The following SYTL2 variants were observed in gnomAD, a reference collection of about 807,000 sequenced individuals.
The protein encoded by SYTL2 is synaptotagmin-like protein 2.
Under a neutral mutation model 198.7 loss-of-function variants are expected in SYTL2, and 165 were observed. That is an observed-to-expected ratio of 0.83 (90% confidence interval 0.73 to 0.94). The LOEUF (loss-of-function observed/expected upper bound fraction) is 0.94. SYTL2 is among the 40% of genes least tolerant of loss of function. The pLI is 0.00. For synonymous variants in SYTL2, 966 were observed against 917.7 expected, an observed-to-expected ratio of 1.05 and a Z score of -0.95; for missense variants, 2,835 against 2,582.8, an observed-to-expected ratio of 1.10 and a Z score of -2.12.
intron 1 of SYTL2, among the ~76,000 whole-genome samples, chr11:85,784,385 T>C (rs1344879379): frequency 6.6e-6 from 1 of 151,950 alleles, no homozygotes; most frequent in East Asian, 1.9e-4. Context: ...AAAAAAATTA[T>C]GGTAAACCTC....
At chr11:85,760,846 T>G (rs904500945) in intron 1 of SYTL2, among the ~76,000 whole-genome samples, 1 of 152,196 alleles carries the variant, frequency 6.6e-6, no homozygotes, top group Admixed American at 6.5e-5. Flanking sequence ...GGGCAATGTT[T>G]CCACTTTACA....
rs539271498 is a variant in SYTL2 at position 85,721,137 on chromosome 11, C to T, written c.5327-178G>A. On this transcript the variant is annotated intron_variant, in intron 8 of 19. Transcript: ENST00000359152. ...TCTCCACTATTAATATGCTCTTAAA[C>T]ATAATTTTCCTGGTCAAGAAATATT... 2.0e-5 allele frequency among the ~76,000 whole-genome samples: 3 copies of T among 152,212 alleles called. No individual in the cohort carries two copies. In the East Asian group the frequency reaches 5.8e-4, roughly 29 times the overall value.
chr11:85,753,989 C>G (rs1159953778), intron 2 of SYTL2, among the ~76,000 whole-genome samples: 1 of 151,990 alleles, frequency 6.6e-6, no homozygotes, highest in Non-Finnish European at 1.5e-5. Context: ...TAGTGATGTC[C>G]TCTTGGCTAC....
intron 1 of SYTL2, among the ~76,000 whole-genome samples, chr11:85,798,019 T>C (rs79789408): frequency 3.0e-5 from 1 of 33,316 alleles, no homozygotes; most frequent in African/African-American, 1.3e-4. Context: ...ATGCCAGCTA[T>C]TTTTTTTTTT....
chr11:85,724,217 C>T lies in SYTL2; in HGVS notation c.5141G>A (p.Arg1714Lys). 1 of 1,584,434 alleles carries T rather than the reference C, an allele frequency of 6.3e-7. No individual in the cohort carries two copies. The highest frequency in any genetic ancestry group is 1.2e-5 in the South Asian group (1 of 84,700). ...GEASEAISVS[R>K]NRQPIPLLMN... ...CAGGAGAGGAATGGGTTGCCTATTTCTGGACACACTAATTGCTTCAGAAGC... is the reference window on the plus strand; with the variant it reads ...CAGGAGAGGAATGGGTTGCCTATTTTTGGACACACTAATTGCTTCAGAAGC... Residue 1714 changes from arginine (R) to lysine (K), a missense_variant, in exon 8 of 20, where the codon AGA becomes AAA. This residue lies in a region of SYTL2 where 2,645 missense variants were observed against 2,381.7 expected (regional missense o/e 1.11). Transcript: ENST00000359152.
At chr11:85,846,865 C>G in the SYTL2 span, among the ~76,000 whole-genome samples, 17 of 150,424 alleles carry the variant, frequency 1.1e-4, no homozygotes, top group Admixed American at 1.1e-3. Flanking sequence ...TCCCAAGTAG[C>G]TGGGATTTAC....
At chr11:85,822,837 C>T in the SYTL2 span, among the ~76,000 whole-genome samples, 2 of 152,204 alleles carry the variant, frequency 1.3e-5, no homozygotes, top group African/African-American at 4.8e-5. Context: ...CTAACGCCAA[C>T]ATTAAGGAAC....
chr11:85,824,020 A>G, the SYTL2 span, among the ~76,000 whole-genome samples: 1 of 152,224 alleles, frequency 6.6e-6, no homozygotes, highest in Non-Finnish European at 1.5e-5. Flanking sequence ...ATTAAAGGAA[A>G]CCACAGGCCA....
At chr11:85,702,380 G>T (rs920704998) in intron 16 of SYTL2, among the ~76,000 whole-genome samples, 1 of 151,992 alleles carries the variant, frequency 6.6e-6, no homozygotes, top group African/African-American at 2.4e-5. Context: ...GCAGGGTTTT[G>T]CCACGTTCCT....
the SYTL2 span, chr11:85,853,817 A>AAAAAAT: frequency 0.11 from 17,354 of 151,204 alleles, 1,234 homozygotes; most frequent in African/African-American, 0.19. Flanking sequence ...GTTAAGCTGT[A>AAAAAAT]AAAAATAAAA....
At chr11:85,720,773 C>T in intron 9 of SYTL2, 85 bp downstream of exon 9, 1 of 938,182 alleles carries the variant, frequency 1.1e-6, no homozygotes, top group Admixed American at 1.8e-5. Context: ...CAGTGCACAA[C>T]AGCACGCAGT....
In SYTL2 at chr11:85,717,493, G is replaced by T. The variant is rs371312801; in HGVS notation, c.5520C>A (p.Cys1840Ter). Residue 1840 changes from cysteine (C) to a stop codon, truncating the protein, a stop_gained, in exon 11 of 20, where the codon TGC becomes TGA. Coordinates refer to ENST00000359152, the MANE Select transcript of SYTL2 (RefSeq NM_206927.4). LOFTEE classifies it high-confidence loss of function. ...KPDQKPVTNE[C>*]VPRISTVPTQ... is the part of the protein sequence containing the mutation. ...GATCCTGCTACTCACTTCTTGGTAC[G>T]CATTCATTTGTAACTGGCTTCTGAT... The T allele has an allele frequency of 1.2e-6, 2 of 1,612,230 alleles. No homozygotes were observed. Among genetic ancestry groups the T allele is most frequent in the African/African-American group, 1.3e-5 (1 of 74,848 alleles).
At chr11:85,773,506 A>G (rs765639010) in intron 1 of SYTL2, among the ~76,000 whole-genome samples, 3 of 152,128 alleles carry the variant, frequency 2.0e-5, no homozygotes, top group Non-Finnish European at 4.4e-5. Flanking sequence ...GTGGAGTTAG[A>G]GTCTCCTCCT....
intron 2 of SYTL2, among the ~76,000 whole-genome samples, chr11:85,750,035 T>C (rs1361215345): frequency 6.6e-6 from 1 of 152,172 alleles, no homozygotes; most frequent in African/African-American, 2.4e-5. Context: ...CATACCCCAC[T>C]TGCCAGCAGG....
chr11:85,829,465 A>C, the SYTL2 span, among the ~76,000 whole-genome samples: 5 of 152,190 alleles, frequency 3.3e-5, no homozygotes, highest in Non-Finnish European at 7.3e-5. Context: ...ATGGGCACGT[A>C]GGTTGATTCC....
At chr11:85,845,111 A>C in the SYTL2 span, among the ~76,000 whole-genome samples, 3 of 152,128 alleles carry the variant, frequency 2.0e-5, no homozygotes, top group African/African-American at 7.2e-5. Context: ...TTTAATTTAG[A>C]TCTCAATTCC....
At position 85,730,147 on chromosome 11, in the gene SYTL2, C is replaced by T. The variant is rs141616750; in HGVS notation, c.1391-2180G>A. Among the ~76,000 whole-genome samples the T allele has an allele frequency of 9.3e-3, 1,422 of 152,210 alleles. 11 individuals carry two copies. The highest frequency in any genetic ancestry group is 0.034 in the Middle Eastern group (10 of 294). On this transcript the variant is annotated intron_variant, in intron 7 of 19. Coordinates refer to ENST00000359152, the MANE Select transcript of SYTL2 (RefSeq NM_206927.4). ...GTCCAGGACCAGATGGATTCACAGC[C>T]GAATTCTACCGGAGGTACAAAGAGG...
At chr11:85,845,751 C>T in the SYTL2 span, among the ~76,000 whole-genome samples, 1 of 152,076 alleles carries the variant, frequency 6.6e-6, no homozygotes, top group African/African-American at 2.4e-5. Flanking sequence ...TACTAATACA[C>T]ACACACACAC....
chr11:85,814,743 C>CTAGTAAGTAAATATTTA (rs1346998066), upstream of SYTL2, among the ~76,000 whole-genome samples: 1 of 152,152 alleles, frequency 6.6e-6, no homozygotes, highest in African/African-American at 2.4e-5. Flanking sequence ...GTTTTATCAG[C>CTAGTAAGTAAATATTTA]TAGTAAGTAA....
Sources: allele counts gnomAD v4.1 joint callset (sites outside exome capture counted in the v4.1 genomes callset), GRCh38; gene constraint gnomAD v4.1.1; regional missense constraint gnomAD v4.1.1; transcripts MANE v1.5; gene names NCBI Gene and HGNC (gene_info 2026-07-23, HGNC 2026-07-21).